The following ME1 variants were observed in gnomAD, a reference collection of about 807,000 sequenced individuals.
ME1 encodes NADP-dependent malic enzyme.
Under a neutral mutation model 66.4 loss-of-function variants are expected in ME1, and 74 were observed. That is an observed-to-expected ratio of 1.11 (90% CI 0.92 to 1.35). The LOEUF is 1.35. Among genes scored for constraint, ME1 ranks in the 40% most tolerant of loss-of-function variants. The pLI is 0.00. For synonymous variants in ME1, 251 were observed against 235.6 expected (o/e 1.07, Z -0.60); for missense variants, 750 against 694.1 (o/e 1.08, Z -0.90).
chr6:83,229,514 G>A (rs1790259083), intron 9 of ME1, among the ~76,000 whole-genome samples: 2 of 152,020 alleles, frequency 1.3e-5, no homozygotes, highest in Admixed American at 1.3e-4. Context: ...ACTACATAAT[G>A]GATCACTGCC....
At position 83,210,566 on chromosome 6, in the gene ME1, C is replaced by G. The variant is rs1378852627; in HGVS notation, c.*1358G>C. On this transcript the variant is annotated 3_prime_UTR_variant, in exon 14 of 14. Transcript: ENST00000369705. ...ATAACTATTTTGAGGAAACTCTTGA[C>G]TATATGTTACCTTTAGAAATACCTT... is the stretch of plus-strand genomic sequence containing the variant. 1 of 152,480 alleles carries G rather than the reference C, an allele frequency of 6.6e-6. No individual in the cohort carries two copies. The highest frequency in any genetic ancestry group is 2.4e-5 in the African/African-American group (1 of 41,438). The allele number at this position is 152,480 out of a possible 1,614,324, so 9.4% of individuals were successfully genotyped here. A position where few individuals can be genotyped will look rare whatever the true frequency, so the allele number is the denominator to read the frequency against.
At chr6:83,239,260 T>G (rs1790467707) in intron 8 of ME1, among the ~76,000 whole-genome samples, 1 of 151,998 alleles carries the variant, frequency 6.6e-6, no homozygotes, top group Non-Finnish European at 1.5e-5. Context: ...CATTGGAAAG[T>G]TTTCCTGTAT....
chr6:83,430,151 A>AT (rs1770457241), intron 1 of ME1, among the ~76,000 whole-genome samples: 1 of 152,050 alleles, frequency 6.6e-6, no homozygotes, highest in African/African-American at 2.4e-5. Flanking sequence ...CTCTAAACAA[A>AT]ATTTTTTTTT....
chr6:83,281,806 CAAAAAA>C (rs140157932), intron 6 of ME1, among the ~76,000 whole-genome samples: 99 of 13,220 alleles, frequency 7.5e-3, no homozygotes, highest in African/African-American at 0.027. Flanking sequence ...ACTCTGTCTC[CAAAAAA>C]AAAAAAAAAA....
At chr6:83,367,169 C>CT (rs971098527) in intron 3 of ME1, among the ~76,000 whole-genome samples, 4 of 151,410 alleles carry the variant, frequency 2.6e-5, no homozygotes, top group Non-Finnish European at 1.5e-5. Flanking sequence ...TGAAAATAAT[C>CT]TTTTTTTTTC....
intron 3 of ME1, chr6:83,393,224 G>A: frequency 8.8e-7 from 1 of 1,132,592 alleles, no homozygotes; most frequent in Non-Finnish European, 1.3e-6. Flanking sequence ...AAGGCATCCT[G>A]GGCTACTCTG....
At chr6:83,249,541 T>A (rs1460989171) in intron 7 of ME1, among the ~76,000 whole-genome samples, 1 of 152,216 alleles carries the variant, frequency 6.6e-6, no homozygotes, top group African/African-American at 2.4e-5. Flanking sequence ...TTATTATTTA[T>A]AAAGTACCTT....
chr6:83,412,299 A>G (rs1770066073), intron 1 of ME1, among the ~76,000 whole-genome samples: 1 of 152,190 alleles, frequency 6.6e-6, no homozygotes, highest in Admixed American at 6.5e-5. Context: ...CTATACATGT[A>G]TGAAAATTCA....
intron 3 of ME1, among the ~76,000 whole-genome samples, chr6:83,360,217 AC>A (rs1179317447): frequency 6.6e-6 from 1 of 152,322 alleles, no homozygotes; most frequent in East Asian, 1.9e-4. Flanking sequence ...CCAGTACATT[AC>A]CGACAATTTA....
At chr6:83,269,061 C>T (rs12199449) in intron 6 of ME1, among the ~76,000 whole-genome samples, 77 of 151,998 alleles carry the variant, frequency 5.1e-4, no homozygotes, top group Non-Finnish European at 8.5e-4. Flanking sequence ...AGCAATGACC[C>T]AGGAATATTT....
intron 2 of ME1, among the ~76,000 whole-genome samples, chr6:83,403,072 T>G (rs1769866825): frequency 6.6e-6 from 1 of 152,242 alleles, no homozygotes; most frequent in African/African-American, 2.4e-5. Context: ...CTGCTAACAT[T>G]ACATCATAGT....
chr6:83,329,647 G>A (rs1377763095), intron 5 of ME1, among the ~76,000 whole-genome samples: 1 of 152,038 alleles, frequency 6.6e-6, no homozygotes, highest in African/African-American at 2.4e-5. Flanking sequence ...TTCTCAAGCA[G>A]CATTCATTTA....
At chr6:83,257,200 A>T (rs1766789666) in intron 6 of ME1, among the ~76,000 whole-genome samples, 6 of 151,732 alleles carry the variant, frequency 4.0e-5, no homozygotes. Context: ...ATAATAAAAA[A>T]ATAAATAAAA....
chr6:83,430,925 G>T lies in ME1; in HGVS notation c.30C>A (p.His10Gln), dbSNP rs1169499295. The change falls in exon 1 of 14, where the codon CAC (histidine) becomes CAA (glutamine). Residue 10 changes from histidine (H) to glutamine (Q), a missense_variant. His to Gln is a conservative substitution (Grantham distance 24). Coordinates refer to ENST00000369705, the MANE Select transcript of ME1 (RefSeq NM_002395.6). The part of the protein sequence containing the change: MEPEAPRRR[H>Q]THQRGYLLTR... ...TCAGCAGGTAGCCGCGCTGATGGGT[G>T]TGGCGGCGACGGGGGGCTTCGGGCT... 1 of 1,595,432 alleles carries T rather than the reference G, an allele frequency of 6.3e-7. No individual in the cohort carries two copies. The highest frequency in any genetic ancestry group is 1.7e-5 in the Admixed American group (1 of 58,274).
chr6:83,253,889 G>C (rs1379311305), intron 6 of ME1, 151 bp from the exon 7 acceptor site: 3 of 502,742 alleles, frequency 6.0e-6, no homozygotes, highest in Non-Finnish European at 1.1e-5. Flanking sequence ...TATAATATCT[G>C]TTCAGCAAAT....
chr6:83,303,651 A>G (rs1767770944), intron 6 of ME1, among the ~76,000 whole-genome samples: 1 of 152,052 alleles, frequency 6.6e-6, no homozygotes, highest in South Asian at 2.1e-4. Flanking sequence ...GAATCACTGA[A>G]TTTTATGAAA....
At chr6:83,213,660 C>T (rs1484977047) in intron 13 of ME1, among the ~76,000 whole-genome samples, 1 of 152,012 alleles carries the variant, frequency 6.6e-6, no homozygotes, top group Non-Finnish European at 1.5e-5. Flanking sequence ...AGCCACCGTG[C>T]CCAGCCGAAT....
intron 6 of ME1, among the ~76,000 whole-genome samples, chr6:83,254,740 C>T (rs1245656520): frequency 7.2e-5 from 11 of 152,054 alleles, no homozygotes; most frequent in Non-Finnish European, 8.8e-5. Flanking sequence ...GAATCAACTG[C>T]ACCTCTCTAT....
intron 11 of ME1, among the ~76,000 whole-genome samples, 187 bp downstream of exon 11, chr6:83,227,148 T>C (rs796741730): frequency 3.3e-5 from 5 of 152,320 alleles, no homozygotes; most frequent in African/African-American, 1.2e-4. Flanking sequence ...TTTATTTTGT[T>C]GAAGAAGAGG....
Sources: gnomAD v4.1 joint callset for allele counts (sites outside exome capture counted in the v4.1 genomes callset) on GRCh38, gnomAD v4.1.1 for gene constraint, MANE v1.5 for transcripts, NCBI Gene and HGNC (gene_info 2026-07-23, HGNC 2026-07-21) for gene names.